The following MCC variants were observed in gnomAD, a reference collection of about 807,000 sequenced individuals.
MCC encodes the protein MCC regulator of Wnt signaling pathway, also known as colorectal mutant cancer protein.
MCC carries 90 observed loss-of-function variants against 116.2 expected under a neutral mutation model. The observed-to-expected ratio is 0.77, with a 90% CI of 0.65 to 0.92. The LOEUF is 0.92. Ranked by LOEUF, MCC falls within the 40% of genes least tolerant of loss-of-function variation. MCC has a pLI of 0.00. For synonymous variants in MCC, 578 were observed against 510.5 expected, an observed-to-expected ratio of 1.13 and a Z score of -1.78; for missense variants, 1,516 against 1,312.2, an observed-to-expected ratio of 1.16 and a Z score of -2.40.
chr5:113,047,835 G>GAAA (rs5870525), intron 16 of MCC, among the ~76,000 whole-genome samples: 1 of 141,236 alleles, frequency 7.1e-6, no homozygotes. Context: ...TTGGATTCCA[G>GAAA]AAAAAAAAAA....
rs773803084 is a variant in MCC at position 113,340,563 on chromosome 5, T to A, written c.583A>T (p.Ile195Phe). The change falls in exon 3 of 19, where the codon ATT becomes TTT. Residue 195 changes from isoleucine (I) to phenylalanine (F), a missense_variant. Ile to Phe is a conservative substitution (Grantham distance 21). Coordinates refer to ENST00000408903, the MANE Select transcript of MCC (RefSeq NM_001085377.2). ...LHKLLTQSPH[I>F]GNSVGGSYLE... The stretch of plus-strand genomic sequence containing the variant: ...TAGCTTCCTCCTACAGAGTTGCCAA[T>A]GTGCGGGGACTGTGTGAGCAGTTTG... 1.2e-6 allele frequency: 2 copies of A among 1,614,186 alleles called. No homozygotes were observed. The highest frequency in any genetic ancestry group is 2.7e-5 in the African/African-American group (2 of 75,068).
chr5:113,234,151 T>A (rs1764047098), intron 3 of MCC, among the ~76,000 whole-genome samples: 1 of 152,186 alleles, frequency 6.6e-6, no homozygotes, highest in African/African-American at 2.4e-5. Flanking sequence ...TGATAGTTTG[T>A]GAAAATGAAA....
At chr5:113,163,106 C>T (rs1336520174) in intron 3 of MCC, among the ~76,000 whole-genome samples, 1 of 152,118 alleles carries the variant, frequency 6.6e-6, no homozygotes, top group African/African-American at 2.4e-5. Flanking sequence ...GCCTCATGCC[C>T]GCTTTGCACC....
chr5:113,093,469 ATC>A (rs144701142), intron 8 of MCC, among the ~76,000 whole-genome samples: 141 of 148,818 alleles, frequency 9.5e-4, no homozygotes, highest in Non-Finnish European at 1.3e-3. Flanking sequence ...CTATCTGTTG[ATC>A]TCTCTCTCTC....
At chr5:113,037,086 G>A (rs1751377395) in intron 17 of MCC, among the ~76,000 whole-genome samples, 1 of 152,228 alleles carries the variant, frequency 6.6e-6, no homozygotes, top group South Asian at 2.1e-4. Flanking sequence ...TCATGAACCA[G>A]TGAAGATTCT....
chr5:113,486,936 C>A (rs1328562085), intron 1 of MCC, among the ~76,000 whole-genome samples: 3 of 151,656 alleles, frequency 2.0e-5, no homozygotes, highest in African/African-American at 7.3e-5. Context: ...AAAAGGAAAA[C>A]TATATAATGA....
At chr5:113,075,722 C>G (rs548793266) in intron 11 of MCC, among the ~76,000 whole-genome samples, 174 of 152,258 alleles carry the variant, frequency 1.1e-3, no homozygotes, top group African/African-American at 3.9e-3. Context: ...GCAGGCTGCC[C>G]GAGCCAGCAG....
Position 113,055,326 on chromosome 5 carries a change from C to A in MCC, c.2214-1367G>T, listed in dbSNP as rs112039835. Among the ~76,000 whole-genome samples the A allele has an allele frequency of 9.8e-3, 1,496 of 152,298 alleles. 19 individuals are homozygous for A. Among genetic ancestry groups the A allele is most frequent in the African/African-American group, 0.034 (1,424 of 41,556 alleles). ...ACAAACCCAGGCCTGCCCTCCTCAT[C>A]TCACACTGCAAAAGGGTAAGAGCCA... On this transcript the variant is annotated intron_variant, in intron 14 of 18. Coordinates refer to ENST00000408903, the MANE Select transcript of MCC (RefSeq NM_001085377.2).
At chr5:113,156,445 G>A (rs1014806297) in intron 3 of MCC, among the ~76,000 whole-genome samples, 3 of 152,188 alleles carry the variant, frequency 2.0e-5, no homozygotes, top group African/African-American at 7.2e-5. Flanking sequence ...TTCTCAGGCA[G>A]ACCAAGCCCC....
At chr5:113,427,606 T>G (rs991881948) in intron 1 of MCC, among the ~76,000 whole-genome samples, 2 of 152,232 alleles carry the variant, frequency 1.3e-5, no homozygotes, top group East Asian at 3.8e-4. Context: ...AAGATTATTA[T>G]GGAGTCACTT....
chr5:113,178,666 C>T (rs2150307702), intron 3 of MCC, among the ~76,000 whole-genome samples: 1 of 152,304 alleles, frequency 6.6e-6, no homozygotes, highest in East Asian at 1.9e-4. Flanking sequence ...TATTATTTCT[C>T]ACACTACTGT....
chr5:113,327,556 AAAAAAATATATAT>A (rs1421166129), intron 3 of MCC, among the ~76,000 whole-genome samples: 1 of 106,228 alleles, frequency 9.4e-6, no homozygotes, highest in Non-Finnish European at 1.9e-5. Flanking sequence ...AAAAAAAAAA[AAAAAAATATATAT>A]ATATATATAT....
chr5:113,305,302 TC>T (rs1766962269), intron 3 of MCC, among the ~76,000 whole-genome samples: 1 of 152,110 alleles, frequency 6.6e-6, no homozygotes, highest in East Asian at 1.9e-4. Context: ...AGCTCAAACT[TC>T]CCCTTCTAAG....
intron 6 of MCC, among the ~76,000 whole-genome samples, chr5:113,114,281 A>G (rs1290006733): frequency 2.6e-5 from 4 of 152,238 alleles, no homozygotes; most frequent in Admixed American, 2.6e-4. Flanking sequence ...AGAAGGTCTC[A>G]CAAGGTCTGG....
chr5:113,330,908 C>T (rs1278804789), intron 3 of MCC, among the ~76,000 whole-genome samples: 1 of 152,192 alleles, frequency 6.6e-6, no homozygotes, highest in African/African-American at 2.4e-5. Flanking sequence ...TTCCTACCAC[C>T]TCACTATCTG....
intron 1 of MCC, among the ~76,000 whole-genome samples, chr5:113,391,929 T>A (rs906670360): frequency 6.6e-6 from 1 of 152,184 alleles, no homozygotes; most frequent in African/African-American, 2.4e-5. Context: ...TTGTTTCCCA[T>A]ATGCATGAAT....
intron 11 of MCC, among the ~76,000 whole-genome samples, chr5:113,078,838 G>A (rs1215767676): frequency 6.6e-6 from 1 of 152,148 alleles, no homozygotes; most frequent in Non-Finnish European, 1.5e-5. Flanking sequence ...GAAATAAAGG[G>A]TATTCAATTA....
rs201871941 is a variant in MCC, at chr5:113,434,743, G to T, written c.171-49531C>A. On this transcript the variant is annotated intron_variant, in intron 1 of 18. Coordinates refer to ENST00000408903, the MANE Select transcript of MCC (RefSeq NM_001085377.2). The surrounding 1 kb of genome is among the most constrained non-coding windows in gnomAD (Gnocchi z 4.2). The stretch of plus-strand genomic sequence containing the variant: ...TTGATCGCCACATTGAACTTCAGGC[G>T]CTCAGAGTAAGCAGATTTTACTTTT... 1 of 1,614,064 alleles carries T rather than the reference G, an allele frequency of 6.2e-7. No homozygotes were observed. The highest frequency in any genetic ancestry group is 8.5e-7 in the Non-Finnish European group (1 of 1,179,960).
At chr5:113,155,852 T>C (rs931364317) in intron 3 of MCC, among the ~76,000 whole-genome samples, 12 of 152,232 alleles carry the variant, frequency 7.9e-5, no homozygotes, top group African/African-American at 2.7e-4. Flanking sequence ...ATATTTCTGC[T>C]CAGCGAAAAT....
Sources: gnomAD v4.1 joint callset for allele counts (sites outside exome capture counted in the v4.1 genomes callset) on GRCh38, gnomAD v4.1.1 for gene constraint, Gnocchi (gnomAD v3.1) non-coding constraint, MANE v1.5 for transcripts, NCBI Gene and HGNC (gene_info 2026-07-23, HGNC 2026-07-21) for gene names.